Variants in KDM1A observed in about 807,000 individuals in gnomAD.
KDM1A encodes the protein lysine demethylase 1A, also known as lysine-specific histone demethylase 1A.
In KDM1A, 49 loss-of-function variants were observed where a neutral mutation model predicts 109.4. That is an observed-to-expected ratio of 0.45 (90% CI 0.36 to 0.57). KDM1A has a LOEUF of 0.57. Ranked by LOEUF, KDM1A falls within the 20% of genes least tolerant of loss-of-function variation. The probability of loss-of-function intolerance (pLI) is 0.00; values close to 1 mark genes in which losing one functional copy is unlikely to be tolerated. For synonymous variants in KDM1A, 380 were observed against 415.4 expected (o/e 0.91, Z 1.04); for missense variants, 668 against 1,116.6 (o/e 0.60, Z 5.73).
chr1:23,083,023 C>G, intron 20 of KDM1A, 156 bp from the exon 21 acceptor site: 1 of 631,728 alleles, frequency 1.6e-6, no homozygotes, highest in Non-Finnish European at 2.7e-6. Context: ...GGGAAAGTGC[C>G]TACTGATAAG....
chr1:23,047,655 A>G (rs1371486462), intron 3 of KDM1A, among the ~76,000 whole-genome samples: 1 of 152,156 alleles, frequency 6.6e-6, no homozygotes, highest in Admixed American at 6.5e-5. Flanking sequence ...TAATCCTAGC[A>G]CTTTGGGAGG....
At chr1:23,041,435 CTTTTTTTTTTT>C (rs66720696) in intron 2 of KDM1A, among the ~76,000 whole-genome samples, 1 of 53,006 alleles carries the variant, frequency 1.9e-5, no homozygotes, top group Non-Finnish European at 3.2e-5. Flanking sequence ...TCTTTTCTTG[CTTTTTTTTTTT>C]TTTTTTTTTT....
At chr1:23,041,577 G>A (rs565734609) in intron 2 of KDM1A, among the ~76,000 whole-genome samples, 22 of 150,896 alleles carry the variant, frequency 1.5e-4, no homozygotes, top group African/African-American at 5.1e-4. Flanking sequence ...TGAGTAGCTG[G>A]GATTACAGGT....
At chr1:23,035,107 A>G (rs1642103185) in intron 2 of KDM1A, among the ~76,000 whole-genome samples, 1 of 152,156 alleles carries the variant, frequency 6.6e-6, no homozygotes, top group African/African-American at 2.4e-5. Flanking sequence ...CCTTGTTTAT[A>G]TTCTTATTTG....
intron 15 of KDM1A, among the ~76,000 whole-genome samples, 176 bp downstream of exon 15, chr1:23,073,579 A>G (rs1387831568): frequency 2.0e-5 from 3 of 152,210 alleles, no homozygotes; most frequent in African/African-American, 7.2e-5. Context: ...TTCAGTCATA[A>G]GCCCCCACAC....
intron 12 of KDM1A, among the ~76,000 whole-genome samples, chr1:23,070,150 G>GA (rs758800048): frequency 1.1e-4 from 17 of 152,212 alleles, no homozygotes; most frequent in Non-Finnish European, 1.9e-4. Context: ...TCAGAAACCT[G>GA]AAAAAAGCTA....
chr1:23,023,469 A>G (rs1641703220), intron 1 of KDM1A, among the ~76,000 whole-genome samples: 1 of 152,214 alleles, frequency 6.6e-6, no homozygotes, highest in African/African-American at 2.4e-5. Flanking sequence ...TCTTTCTCTC[A>G]GCGAATAGTT....
intron 2 of KDM1A, among the ~76,000 whole-genome samples, chr1:23,041,779 G>C (rs574947854): frequency 7.0e-4 from 103 of 148,110 alleles, no homozygotes; most frequent in Non-Finnish European, 1.4e-3. Flanking sequence ...GTTGTTATGG[G>C]ATCCCTTTTA....
chr1:23,032,747 G>A (rs981231477), intron 2 of KDM1A, among the ~76,000 whole-genome samples: 2 of 152,170 alleles, frequency 1.3e-5, no homozygotes, highest in Admixed American at 6.5e-5. Context: ...GACCCTGATG[G>A]TGAATCATAA....
chr1:23,051,981 T>G (rs930455285), intron 4 of KDM1A, among the ~76,000 whole-genome samples: 3 of 152,236 alleles, frequency 2.0e-5, no homozygotes, highest in Non-Finnish European at 4.4e-5. Context: ...GTCTTATAAT[T>G]GAATCAGTTT....
chr1:23,031,249 A>C (rs895248384), intron 2 of KDM1A, among the ~76,000 whole-genome samples: 3 of 152,218 alleles, frequency 2.0e-5, no homozygotes, highest in Non-Finnish European at 2.9e-5. Flanking sequence ...TAGCTTTCTG[A>C]GGATGGCTGG....
Position 23,026,344 on chromosome 1 carries a change from A to G in KDM1A, c.352-4125A>G, listed in dbSNP as rs1490820728. Among the ~76,000 whole-genome samples the G allele has an allele frequency of 5.9e-5, 9 of 151,756 alleles. No homozygotes were observed. The South Asian group carries it at 1.9e-3, about 32-fold the overall frequency. On this transcript the variant is annotated intron_variant, in intron 1 of 20. Coordinates refer to ENST00000400181, the MANE Select transcript of KDM1A (RefSeq NM_001009999.3). ...TTATGATATAGGAATGCAACGTGAAAGGAAAAAGTTTTGTTTTTTTGTGTG... is the reference window on the plus strand; with the variant it reads ...TTATGATATAGGAATGCAACGTGAAGGGAAAAAGTTTTGTTTTTTTGTGTG...
intron 10 of KDM1A, 115 bp from the exon 11 acceptor site, chr1:23,068,424 G>C (rs1166797104): frequency 1.3e-6 from 1 of 778,384 alleles, no homozygotes; most frequent in Non-Finnish European, 1.9e-6. Context: ...GTGCTCAAAG[G>C]TTTCCCCTTT....
intron 16 of KDM1A, among the ~76,000 whole-genome samples, chr1:23,078,672 A>G (rs908484324): frequency 1.3e-5 from 2 of 152,186 alleles, no homozygotes; most frequent in Admixed American, 6.5e-5. Context: ...TTTGGTCTAA[A>G]TGTACTTAAC....
chr1:23,072,007 C>G, intron 13 of KDM1A, 117 bp from the exon 14 acceptor site: 1 of 676,978 alleles, frequency 1.5e-6, no homozygotes, highest in East Asian at 2.8e-5. Context: ...TTGAGCCACA[C>G]TTCCTGTACA....
chr1:23,030,957 A>G (rs1454039281), intron 2 of KDM1A, among the ~76,000 whole-genome samples: 1 of 152,180 alleles, frequency 6.6e-6, no homozygotes, highest in African/African-American at 2.4e-5. Flanking sequence ...ATGATTAGAA[A>G]AAACATACAG....
intron 9 of KDM1A, 101 bp from the exon 10 acceptor site, chr1:23,065,959 T>G: frequency 6.5e-7 from 1 of 1,540,196 alleles, no homozygotes; most frequent in South Asian, 1.3e-5. Flanking sequence ...TGCTATGTGT[T>G]TAAAGCCTTG....
chr1:23,019,679 C>A lies in KDM1A; in HGVS notation c.83C>A (p.Ala28Glu). 7.3e-7 allele frequency: 1 copy of A among 1,364,924 alleles called. No individual in the cohort carries two copies. 84.6% of individuals were successfully genotyped at this position (1,364,924 alleles called of 1,614,324 possible). ...GGGACGGAGGCTGGCCCTGGGACAG[C>A]AGGCGGCTCCGAGAACGGGTCTGAG... ...ATGTEAGPGT[A>E]GGSENGSEVA... Residue 28 changes from alanine (A) to glutamate (E), a missense_variant, in exon 1 of 21, where the codon GCA (alanine) becomes GAA (glutamate). Ala to Glu is a moderately radical substitution (Grantham distance 107). This residue lies in a region of KDM1A where 156 missense variants were observed against 163.4 expected (regional missense o/e 0.95). Coordinates refer to ENST00000400181, the MANE Select transcript of KDM1A (RefSeq NM_001009999.3).
intron 2 of KDM1A, among the ~76,000 whole-genome samples, chr1:23,034,424 C>T (rs1225876901): frequency 6.6e-6 from 1 of 152,178 alleles, no homozygotes; most frequent in Non-Finnish European, 1.5e-5. Flanking sequence ...GTCAAATCTC[C>T]TTCAGTTGGA....
Sources: gnomAD v4.1 joint callset for allele counts (sites outside exome capture counted in the v4.1 genomes callset) on GRCh38, gnomAD v4.1.1 for gene constraint, gnomAD v4.1.1 regional missense constraint, MANE v1.5 for transcripts, NCBI Gene and HGNC (gene_info 2026-07-23, HGNC 2026-07-21) for gene names.